The following WDPCP variants were observed in gnomAD, a reference collection of about 807,000 sequenced individuals.
WDPCP encodes WD repeat containing planar cell polarity effector.
Under a neutral mutation model 93.1 loss-of-function variants are expected in WDPCP, and 71 were observed. The ratio of observed to expected loss-of-function variants is 0.76; its 90% CI spans 0.63 to 0.93. The LOEUF (loss-of-function observed/expected upper bound fraction) is 0.93. Among genes scored for constraint, WDPCP ranks in the 40% least tolerant of loss-of-function variants. The pLI is 0.00. For synonymous variants in WDPCP, 315 were observed against 315.0 expected, an observed-to-expected ratio of 1.00 and a Z score of 0.00; for missense variants, 844 against 887.4, an observed-to-expected ratio of 0.95 and a Z score of 0.62.
At chr2:63,325,313 G>A (rs1327510119) in intron 12 of WDPCP, among the ~76,000 whole-genome samples, 3 of 152,160 alleles carry the variant, frequency 2.0e-5, no homozygotes, top group Non-Finnish European at 2.9e-5. Flanking sequence ...CCACCCCCTC[G>A]TCCATGTCCG....
intron 3 of WDPCP, among the ~76,000 whole-genome samples, chr2:63,620,997 C>A (rs1241791865): frequency 2.0e-5 from 3 of 152,134 alleles, no homozygotes; most frequent in Non-Finnish European, 4.4e-5. Context: ...ACACCCACAC[C>A]AAAACCCCAT....
intron 14 of WDPCP, among the ~76,000 whole-genome samples, chr2:63,254,650 C>A (rs1297377657): frequency 2.0e-5 from 3 of 151,902 alleles, no homozygotes; most frequent in Admixed American, 6.6e-5. Flanking sequence ...ATGTTACAAC[C>A]AAAATATTCA....
chr2:63,543,232 TC>T (rs1704878716), intron 1 of WDPCP, among the ~76,000 whole-genome samples: 1 of 152,144 alleles, frequency 6.6e-6, no homozygotes, highest in African/African-American at 2.4e-5. Context: ...GAGAGCATTA[TC>T]TTATTCACAG....
At chr2:63,632,052 C>A (rs949038451) in intron 3 of WDPCP, among the ~76,000 whole-genome samples, 19 of 152,208 alleles carry the variant, frequency 1.2e-4, no homozygotes, top group African/African-American at 4.3e-4. Context: ...AGGACCCCTG[C>A]AATCGTTACT....
At chr2:63,334,726 G>C (rs963923257) in intron 12 of WDPCP, among the ~76,000 whole-genome samples, 3 of 152,054 alleles carry the variant, frequency 2.0e-5, no homozygotes, top group African/African-American at 7.2e-5. Context: ...AGTGTGAAAT[G>C]AAAGTAAATC....
rs531393512 is a variant in WDPCP at position 63,227,708 on chromosome 2, G to A, written c.1915+31599C>T. 5.9e-5 allele frequency among the ~76,000 whole-genome samples: 9 copies of A among 152,190 alleles called. No homozygotes were observed. The South Asian group carries it at 1.9e-3, about 32-fold the overall frequency. ...AATGGGAAAACTAATATTTAACTCTGTAGTTGTAAATATGAAATATGATAG... is the reference window on the plus strand; with the variant it reads ...AATGGGAAAACTAATATTTAACTCTATAGTTGTAAATATGAAATATGATAG... On this transcript the variant is annotated intron_variant, in intron 14 of 17. Coordinates refer to ENST00000272321, the MANE Select transcript of WDPCP (RefSeq NM_015910.7).
At chr2:63,437,836 G>C in intron 7 of WDPCP, 1 of 1,591,950 alleles carries the variant, frequency 6.3e-7, no homozygotes, top group Non-Finnish European at 8.6e-7. Context: ...GGGCTATAAA[G>C]GTATTTTTAA....
chr2:63,436,155 T>C (rs1196211946), intron 8 of WDPCP, among the ~76,000 whole-genome samples: 1 of 152,146 alleles, frequency 6.6e-6, no homozygotes, highest in Non-Finnish European at 1.5e-5. Flanking sequence ...CGATCAATTT[T>C]AGTAAATAAA....
intron 15 of WDPCP, among the ~76,000 whole-genome samples, chr2:63,157,453 C>T (rs1672339199): frequency 6.6e-6 from 1 of 151,960 alleles, no homozygotes; most frequent in Admixed American, 6.6e-5. Flanking sequence ...AAGAAATGTG[C>T]ACAATTGCTA....
chr2:63,458,577 A>G lies in WDPCP; in HGVS notation c.385-18706T>C, dbSNP rs542722328. The stretch of plus-strand genomic sequence containing the variant: ...CAAGAAAAACTGTAAAACACTGACG[A>G]AAGAAACTGAAGAGGACACAAACAA... On this transcript the variant is annotated intron_variant, in intron 6 of 17. Coordinates refer to ENST00000272321, the MANE Select transcript of WDPCP (RefSeq NM_015910.7). 2.0e-5 allele frequency among the ~76,000 whole-genome samples: 3 copies of G among 152,222 alleles called. No individual in the cohort carries two copies. In the South Asian group the frequency reaches 6.2e-4, roughly 32 times the overall value.
At chr2:63,333,805 A>G (rs1688157574) in intron 12 of WDPCP, among the ~76,000 whole-genome samples, 2 of 152,226 alleles carry the variant, frequency 1.3e-5, no homozygotes, top group South Asian at 2.1e-4. Context: ...GGGCTGTGTC[A>G]TGGGCCATGT....
intron 1 of WDPCP, among the ~76,000 whole-genome samples, chr2:63,565,463 T>A (rs569397416): frequency 6.6e-6 from 1 of 152,140 alleles, no homozygotes; most frequent in Admixed American, 6.5e-5. Context: ...TTAAACTCTA[T>A]AGGATATGAA....
intron 2 of WDPCP, among the ~76,000 whole-genome samples, chr2:63,721,810 C>T (rs1669419556): frequency 6.6e-6 from 1 of 151,604 alleles, no homozygotes; most frequent in Non-Finnish European, 1.5e-5. Context: ...GACTGTACTG[C>T]TGCCATCTCG....
rs368557597 is a variant in WDPCP at position 63,198,547 on chromosome 2, T to A, written c.1916-23715A>T. The stretch of plus-strand genomic sequence containing the variant: ...AAGAGCCTGGTGGGAGGTGATTGGA[T>A]CATGGAGGCAGATTTTGCCCTTGCT... On this transcript the variant is annotated intron_variant, in intron 14 of 17. Transcript: ENST00000272321. Among the ~76,000 whole-genome samples, 29 of 152,280 alleles carry A rather than the reference T, an allele frequency of 1.9e-4. No homozygotes were observed. In the East Asian group the frequency reaches 3.1e-3, roughly 16 times the overall value.
At chr2:63,669,222 T>C (rs1020818498) in intron 2 of WDPCP, among the ~76,000 whole-genome samples, 2 of 152,202 alleles carry the variant, frequency 1.3e-5, no homozygotes, top group Admixed American at 6.5e-5. Flanking sequence ...GGTAAAACTA[T>C]GAAATCTGGC....
chr2:63,685,443 A>G (rs1416427958), intron 2 of WDPCP, among the ~76,000 whole-genome samples: 1 of 151,430 alleles, frequency 6.6e-6, no homozygotes, highest in Non-Finnish European at 1.5e-5. Flanking sequence ...ACAAGTAACA[A>G]GAACGAAGCT....
At chr2:63,178,793 G>A (rs1384611827) in intron 14 of WDPCP, among the ~76,000 whole-genome samples, 2 of 152,008 alleles carry the variant, frequency 1.3e-5, no homozygotes, top group African/African-American at 2.4e-5. Flanking sequence ...AAGGTACAAA[G>A]TTAGGTTATT....
At chr2:63,468,162 T>C (rs1401063974) in intron 6 of WDPCP, among the ~76,000 whole-genome samples, 1 of 152,150 alleles carries the variant, frequency 6.6e-6, no homozygotes, top group Non-Finnish European at 1.5e-5. Flanking sequence ...CCTCTTTCTA[T>C]CCAACCCTCC....
At chr2:63,726,600 G>A (rs971280947) in intron 2 of WDPCP, among the ~76,000 whole-genome samples, 5 of 152,128 alleles carry the variant, frequency 3.3e-5, no homozygotes, top group African/African-American at 1.2e-4. Context: ...AGTTTGATAG[G>A]AACAGCATTG....
Sources: gnomAD v4.1 joint callset for allele counts (sites outside exome capture counted in the v4.1 genomes callset) on GRCh38, gnomAD v4.1.1 for gene constraint, MANE v1.5 for transcripts, NCBI Gene and HGNC (gene_info 2026-07-23, HGNC 2026-07-21) for gene names.